RBFOX3: variants seen among roughly 807,000 people sequenced by gnomAD.
The protein encoded by RBFOX3 is RNA binding protein fox-1 homolog 3.
A neutral mutation model predicts 48.7 loss-of-function variants in RBFOX3; 17 were observed. The ratio of observed to expected loss-of-function variants is 0.35; its 90% CI spans 0.24 to 0.52. RBFOX3 has a LOEUF of 0.52. Ranked by LOEUF, RBFOX3 falls within the 20% of genes least tolerant of loss-of-function variation. The pLI is 0.94. For missense variants in RBFOX3, 382 were observed against 497.5 expected (o/e 0.77, Z 2.21); for synonymous variants, 212 against 209.5 (o/e 1.01, Z -0.10).
chr17:79,101,510 C>T (rs2076428717), intron 9 of RBFOX3, 74 bp downstream of exon 9: 1 of 1,329,474 alleles, frequency 7.5e-7, no homozygotes, highest in Non-Finnish European at 1.1e-6. Flanking sequence ...CAGCCTGCAG[C>T]AGCCTCAGCT....
intron 3 of RBFOX3, among the ~76,000 whole-genome samples, chr17:79,265,693 C>T (rs1050492889): frequency 7.9e-5 from 12 of 152,234 alleles, no homozygotes; most frequent in Admixed American, 1.3e-4. Context: ...TTCAAGATCA[C>T]TGCTATTTTA....
intron 1 of RBFOX3, among the ~76,000 whole-genome samples, chr17:79,607,749 T>C (rs2093867248): frequency 6.6e-6 from 1 of 151,942 alleles, no homozygotes; most frequent in Admixed American, 6.6e-5. Context: ...GAGAGAGGTG[T>C]CAAAGAAGGC....
chr17:79,621,616 C>T, the RBFOX3 span, among the ~76,000 whole-genome samples: 1 of 152,168 alleles, frequency 6.6e-6, no homozygotes, highest in Non-Finnish European at 1.5e-5. Context: ...TGATGACTGT[C>T]GGGTCAATGT....
chr17:79,625,968 G>T, the RBFOX3 span, among the ~76,000 whole-genome samples: 1 of 152,350 alleles, frequency 6.6e-6, no homozygotes, highest in African/African-American at 2.4e-5. Flanking sequence ...ACGAGGTGCT[G>T]TTTATGGTTT....
intron 2 of RBFOX3, among the ~76,000 whole-genome samples, chr17:79,461,594 A>T (rs1376191578): frequency 6.6e-6 from 1 of 152,204 alleles, no homozygotes. Context: ...CCATTTCCCC[A>T]TGGTGAGCAT....
At chr17:79,116,913 T>C (rs113733064) in intron 4 of RBFOX3, among the ~76,000 whole-genome samples, 3,595 of 152,306 alleles carry the variant, frequency 0.024, 141 homozygotes, top group African/African-American at 0.081. Context: ...TGGTGGGCAA[T>C]GCGGGTTCCA....
chr17:79,244,060 A>G lies in RBFOX3; in HGVS notation c.-73-8255T>C, dbSNP rs1033564468. Among the ~76,000 whole-genome samples, 6 of 152,204 alleles carry G rather than the reference A, an allele frequency of 3.9e-5. No homozygotes were observed. In the South Asian group the frequency reaches 1.2e-3, roughly 32 times the overall value. On this transcript the variant is annotated intron_variant, in intron 3 of 14. Coordinates refer to ENST00000693108, the MANE Select transcript of RBFOX3 (RefSeq NM_001350451.2). ...ACACATGAAGGAGATACCACCGCAC[A>G]GGGCAGAATGGTGTCCCCAGAGTCC... is the stretch of plus-strand genomic sequence containing the variant.
chr17:79,606,043 C>T (rs2093822686), intron 1 of RBFOX3, among the ~76,000 whole-genome samples: 7 of 152,184 alleles, frequency 4.6e-5, no homozygotes, highest in Non-Finnish European at 2.9e-5. Context: ...CCTTCGATAC[C>T]ACAGTCTTGT....
rs559990646 is a variant in RBFOX3 at position 79,183,898 on chromosome 17, G to GCGCGCCCCTC, written c.-34+51858_-34+51867dup. On this transcript the variant is annotated intron_variant, in intron 4 of 14. Coordinates refer to ENST00000693108, the MANE Select transcript of RBFOX3 (RefSeq NM_001350451.2). ...CGCGCCCTCCCACGCTCGGGCCCCT[G>GCGCGCCCCTC]CGCGCCCCTCCTCCCCCCCGTTGCC... is the stretch of plus-strand genomic sequence containing the variant. Among the ~76,000 whole-genome samples, 1,237 of 152,284 alleles carry GCGCGCCCCTC rather than the reference G, an allele frequency of 8.1e-3. 17 individuals carry two copies. Among genetic ancestry groups the GCGCGCCCCTC allele is most frequent in the African/African-American group, 0.028 (1,182 of 41,566 alleles).
the RBFOX3 span, among the ~76,000 whole-genome samples, chr17:79,642,435 T>A: frequency 6.6e-6 from 1 of 152,216 alleles, no homozygotes; most frequent in Non-Finnish European, 1.5e-5. Context: ...CATTTCACAA[T>A]GTATATATAT....
chr17:79,273,388 G>GGC (rs10636720), intron 3 of RBFOX3, among the ~76,000 whole-genome samples: 5,195 of 152,234 alleles, frequency 0.034, 281 homozygotes, highest in African/African-American at 0.12. Flanking sequence ...GGATACTTCA[G>GGC]TCCAGGGCTG....
chr17:79,338,612 A>C (rs1179670721), intron 2 of RBFOX3, among the ~76,000 whole-genome samples: 1 of 152,184 alleles, frequency 6.6e-6, no homozygotes, highest in Non-Finnish European at 1.5e-5. Context: ...GTTTTCAGCA[A>C]ACTATACTCA....
chr17:79,642,845 A>C, the RBFOX3 span, among the ~76,000 whole-genome samples: 2 of 152,252 alleles, frequency 1.3e-5, no homozygotes, highest in Non-Finnish European at 2.9e-5. Context: ...TAAATCTTTC[A>C]GTTAAAAGGT....
At position 79,514,348 on chromosome 17, in the gene RBFOX3, A is replaced by G. The variant is rs941125995; in HGVS notation, c.-319-31750T>C. 3.7e-4 allele frequency among the ~76,000 whole-genome samples: 56 copies of G among 152,210 alleles called. No individual in the cohort carries two copies. In the East Asian group the frequency reaches 6.0e-3, roughly 16 times the overall value. On this transcript the variant is annotated intron_variant, in intron 1 of 14. Transcript: ENST00000693108. ...GTACACACTCGGCGGTCACGCAGAC[A>G]TGCACTCCCTGGGCCCAGCACTGGT... is the stretch of plus-strand genomic sequence containing the variant.
At chr17:79,509,308 G>A (rs2083713181) in intron 1 of RBFOX3, among the ~76,000 whole-genome samples, 2 of 152,046 alleles carry the variant, frequency 1.3e-5, no homozygotes, top group Admixed American at 6.5e-5. Context: ...CTGGAGCTAC[G>A]GAGGCTACAC....
chr17:79,267,040 G>A (rs1317739310), intron 3 of RBFOX3, among the ~76,000 whole-genome samples: 1 of 152,278 alleles, frequency 6.6e-6, no homozygotes, highest in African/African-American at 2.4e-5. Context: ...TCAGAAGGTG[G>A]GTCCTGAAAC....
intron 4 of RBFOX3, among the ~76,000 whole-genome samples, chr17:79,196,431 C>T (rs2055604193): frequency 6.6e-6 from 1 of 152,208 alleles, no homozygotes; most frequent in Non-Finnish European, 1.5e-5. Flanking sequence ...CAGAATGGGA[C>T]GGCAGTACCT....
chr17:79,479,887 G>C lies in RBFOX3; in HGVS notation c.-175+2567C>G, dbSNP rs1436034108. Among the ~76,000 whole-genome samples the C allele has an allele frequency of 6.6e-6, 1 of 152,182 alleles. No homozygotes were observed. Among genetic ancestry groups the C allele is most frequent in the African/African-American group, 2.4e-5 (1 of 41,436 alleles). On this transcript the variant is annotated intron_variant, in intron 2 of 14. Transcript: ENST00000693108. The surrounding 1 kb of genome is among the most constrained non-coding windows in gnomAD (Gnocchi z 5.1). Reference sequence around the variant, plus strand: ...CCCTCCCCTAGGGACAGAGCTGCACGCATCTTCTTGGAACTAGGCGTCTGA... The same window carrying C: ...CCCTCCCCTAGGGACAGAGCTGCACCCATCTTCTTGGAACTAGGCGTCTGA...
rs148006271 is a variant in RBFOX3, at chr17:79,464,802, C to T, written c.-175+17652G>A. ...CCGCGGCCCCGAGGACAGCTGAGAA[C>T]AGGCCAGCCCCAGCCGCTCAGATGC... On this transcript the variant is annotated intron_variant, in intron 2 of 14. Transcript: ENST00000693108. Among the ~76,000 whole-genome samples, 224 of 152,380 alleles carry T rather than the reference C, an allele frequency of 1.5e-3. 1 individual carries two copies. Among genetic ancestry groups the T allele is most frequent in the Non-Finnish European group, 2.5e-3 (171 of 68,036 alleles).
Sources: allele counts gnomAD v4.1 joint callset (sites outside exome capture counted in the v4.1 genomes callset), GRCh38; gene constraint gnomAD v4.1.1; non-coding constraint Gnocchi (gnomAD v3.1); transcripts MANE v1.5; gene names NCBI Gene and HGNC (gene_info 2026-07-23, HGNC 2026-07-21).